Variants in KCNH5 observed in about 807,000 individuals in gnomAD.
KCNH5 encodes the protein voltage-gated delayed rectifier potassium channel KCNH5.
KCNH5 carries 46 observed loss-of-function variants against 96.1 expected under a neutral mutation model. The observed-to-expected ratio is 0.48, with a 90% CI of 0.38 to 0.61. KCNH5 has a LOEUF of 0.61. Ranked by LOEUF, KCNH5 falls within the 20% of genes least tolerant of loss-of-function variation. The pLI, the probability that KCNH5 is intolerant of heterozygous loss-of-function variation, is 0.00. For missense variants in KCNH5, 907 were observed against 1,225.8 expected, an observed-to-expected ratio of 0.74 and a Z score of 3.88; for synonymous variants, 439 against 449.8, an observed-to-expected ratio of 0.98 and a Z score of 0.30.
At chr14:62,737,924 C>A (rs982132736) in intron 10 of KCNH5, among the ~76,000 whole-genome samples, 1 of 152,122 alleles carries the variant, frequency 6.6e-6, no homozygotes, top group Non-Finnish European at 1.5e-5. Context: ...CCCAAAACTG[C>A]AGACAGTCTG....
intron 10 of KCNH5, among the ~76,000 whole-genome samples, chr14:62,725,132 T>G (rs1305677545): frequency 6.6e-6 from 1 of 152,218 alleles, no homozygotes; most frequent in African/African-American, 2.4e-5. Context: ...AAAAAACACA[T>G]ATGTATCTGT....
chr14:62,841,945 C>T (rs901479619), intron 8 of KCNH5, among the ~76,000 whole-genome samples: 1 of 152,192 alleles, frequency 6.6e-6, no homozygotes, highest in Non-Finnish European at 1.5e-5. Flanking sequence ...GGCTATCAAA[C>T]GATTCCTTTG....
intron 7 of KCNH5, among the ~76,000 whole-genome samples, chr14:62,903,076 C>A (rs1240798013): frequency 6.6e-6 from 1 of 152,092 alleles, no homozygotes; most frequent in African/African-American, 2.4e-5. Flanking sequence ...TGATTTTTCA[C>A]AAATTATTTA....
chr14:63,007,349 C>T (rs563214552), intron 2 of KCNH5, among the ~76,000 whole-genome samples: 7 of 152,138 alleles, frequency 4.6e-5, no homozygotes, highest in South Asian at 2.1e-4. Context: ...TGACAATTTT[C>T]GAGAAGATAG....
chr14:62,814,782 CAA>C (rs71120235), intron 8 of KCNH5, among the ~76,000 whole-genome samples: 1 of 33,758 alleles, frequency 3.0e-5, no homozygotes, highest in Non-Finnish European at 4.7e-5. Context: ...GACTCCATCT[CAA>C]AAAAAAAAAA....
intron 10 of KCNH5, among the ~76,000 whole-genome samples, chr14:62,779,152 G>C (rs1886156018): frequency 6.6e-6 from 1 of 152,188 alleles, no homozygotes; most frequent in Non-Finnish European, 1.5e-5. Flanking sequence ...TTAAATTTGT[G>C]TCACACTCAT....
chr14:62,987,919 GTTCAT>G (rs1260491242), intron 4 of KCNH5, among the ~76,000 whole-genome samples: 2 of 152,022 alleles, frequency 1.3e-5, no homozygotes, highest in Admixed American at 6.6e-5. Context: ...ACTTTTTATG[GTTCAT>G]TTCACACACT....
chr14:62,803,654 G>A (rs995368970), intron 8 of KCNH5, among the ~76,000 whole-genome samples: 24 of 152,156 alleles, frequency 1.6e-4, no homozygotes, highest in Admixed American at 1.4e-3. Context: ...ACAGCAAGGG[G>A]TAGAGAGCTT....
At chr14:62,954,021 A>G (rs1890054428) in intron 6 of KCNH5, among the ~76,000 whole-genome samples, 1 of 152,122 alleles carries the variant, frequency 6.6e-6, no homozygotes, top group South Asian at 2.1e-4. Context: ...GTACCTACCT[A>G]CCTGCTCAGC....
At chr14:62,871,896 T>C (rs1888262798) in intron 7 of KCNH5, among the ~76,000 whole-genome samples, 1 of 152,200 alleles carries the variant, frequency 6.6e-6, no homozygotes, top group Non-Finnish European at 1.5e-5. Flanking sequence ...AATCTCAGAC[T>C]GAGTCATTGT....
chr14:62,762,797 G>A (rs1885780975), intron 10 of KCNH5, among the ~76,000 whole-genome samples: 1 of 148,496 alleles, frequency 6.7e-6, no homozygotes, highest in Non-Finnish European at 1.5e-5. Context: ...AGAAAAAGAA[G>A]GGCATTACAT....
chr14:62,767,676 G>A (rs945965356), intron 10 of KCNH5, among the ~76,000 whole-genome samples: 12 of 152,156 alleles, frequency 7.9e-5, no homozygotes, highest in Non-Finnish European at 1.5e-4. Flanking sequence ...CTACTGGAGG[G>A]TGGAGGATGA....
At position 62,802,562 on chromosome 14, in the gene KCNH5, T is replaced by C. The variant is rs755065139; in HGVS notation, c.1589A>G (p.Lys530Arg). The change falls in exon 9 of 11, where the codon AAG becomes AGG. Residue 530 changes from lysine to arginine, a missense_variant. Coordinates refer to ENST00000322893, the MANE Select transcript of KCNH5 (RefSeq NM_139318.5). ...AACACAGATATCAGCTCTCATGTCC[T>C]TGGGACAGATGGAGAGGACCTAAAG... ...DTEKVLSICP[K>R]DMRADICVHL... 1.2e-6 allele frequency: 2 copies of C among 1,614,004 alleles called. No individual in the cohort carries two copies. Among genetic ancestry groups the C allele is most frequent in the Non-Finnish European group, 1.7e-6 (2 of 1,179,944 alleles).
At position 62,781,733 on chromosome 14, in the gene KCNH5, T is replaced by A. The variant is rs1387945693; in HGVS notation, c.1823-1809A>T. 3.9e-5 allele frequency among the ~76,000 whole-genome samples: 6 copies of A among 152,228 alleles called. 1 individual carries two copies. The highest frequency in any genetic ancestry group is 5.9e-5 in the Non-Finnish European group (4 of 68,048). On this transcript the variant is annotated intron_variant, in intron 9 of 10. Transcript: ENST00000322893. ...TTATCTTTCTTATTCCCTGAACAAT[T>A]GCTGTTATCCTGTTCTTTTTTCAAG...
chr14:62,744,559 C>T (rs141138788), intron 10 of KCNH5, among the ~76,000 whole-genome samples: 114 of 152,226 alleles, frequency 7.5e-4, no homozygotes, highest in Non-Finnish European at 1.5e-3. Context: ...AATGTAAAAA[C>T]ATTGAGCACC....
intron 4 of KCNH5, among the ~76,000 whole-genome samples, chr14:62,997,201 T>C (rs1291451535): frequency 6.6e-6 from 1 of 152,194 alleles, no homozygotes; most frequent in Non-Finnish European, 1.5e-5. Flanking sequence ...TTAAACTCTT[T>C]TAGTTATGTA....
At chr14:62,828,778 C>T (rs148293251) in intron 8 of KCNH5, among the ~76,000 whole-genome samples, 1 of 152,248 alleles carries the variant, frequency 6.6e-6, no homozygotes, top group African/African-American at 2.4e-5. Context: ...GTCCTTCTCA[C>T]ATTTCAAAAC....
chr14:62,971,520 T>C (rs1403820991), intron 6 of KCNH5, among the ~76,000 whole-genome samples: 2 of 152,088 alleles, frequency 1.3e-5, no homozygotes, highest in East Asian at 1.9e-4. Context: ...AAAGCTTATA[T>C]AGACAGGCAA....
chr14:62,786,643 TA>T (rs1326928672), intron 9 of KCNH5, among the ~76,000 whole-genome samples: 1 of 152,216 alleles, frequency 6.6e-6, no homozygotes, highest in African/African-American at 2.4e-5. Context: ...TTATGTTTTT[TA>T]CAAATTGAAG....
Sources: gnomAD v4.1 joint callset for allele counts (sites outside exome capture counted in the v4.1 genomes callset) on GRCh38, gnomAD v4.1.1 for gene constraint, MANE v1.5 for transcripts, NCBI Gene and HGNC (gene_info 2026-07-23, HGNC 2026-07-21) for gene names.